The following SMG1 variants were observed in gnomAD, a reference collection of about 807,000 sequenced individuals.
SMG1 encodes SMG1 nonsense mediated mRNA decay associated PI3K related kinase.
A neutral mutation model predicts 419.9 loss-of-function variants in SMG1; 22 were observed. The ratio of observed to expected loss-of-function variants is 0.05; its 90% CI spans 0.04 to 0.07. The LOEUF is 0.07. Ranked by LOEUF, SMG1 falls within the 10% of genes least tolerant of loss-of-function variation. The pLI, the probability that SMG1 is intolerant of heterozygous loss-of-function variation, is 1.00. For missense variants in SMG1, 3,185 were observed against 4,342.0 expected, an observed-to-expected ratio of 0.73 and a Z score of 7.49; for synonymous variants, 1,538 against 1,553.5, an observed-to-expected ratio of 0.99 and a Z score of 0.23.
At chr16:18,859,489 T>C in intron 27 of SMG1, 67 bp downstream of exon 27, 2 of 729,394 alleles carry the variant, frequency 2.7e-6, no homozygotes, top group African/African-American at 1.8e-5. Context: ...TCCAGCCCTC[T>C]TCACCCCATG....
Position 18,817,454 on chromosome 16 carries a change from C to T in SMG1, c.9911G>A (p.Ser3304Asn). Reference sequence around the variant, plus strand: ...TAAACTTTCAAAATGAATGATATTGCTGCAGAGAAATGTGACCTGTAAAGA... The same window carrying T: ...TAAACTTTCAAAATGAATGATATTGTTGCAGAGAAATGTGACCTGTAAAGA... ...QRASQVTFLC[S>N]NIIHFESLRT... Residue 3304 changes from serine to asparagine, a missense_variant, in exon 57 of 63, where the codon AGC (serine) becomes AAC (asparagine). By Grantham distance (46) the Ser-to-Asn change is conservative. Transcript: ENST00000446231. 2 of 1,577,728 alleles carry T rather than the reference C, an allele frequency of 1.3e-6. No individual in the cohort carries two copies. The highest frequency in any genetic ancestry group is 1.7e-6 in the Non-Finnish European group (2 of 1,160,420).
Position 18,848,084 on chromosome 16 carries a change from C to T in SMG1, c.5624-51G>A, listed in dbSNP as rs1252713830. ...ATATTTTGAACATTTCTCCCATGTG[C>T]ATATGCTAGGTTAGGGAAAACACTG... On this transcript the variant is annotated intron_variant, in intron 36 of 62. Transcript: ENST00000446231. 3.4e-6 allele frequency: 5 copies of T among 1,474,722 alleles called. No homozygotes were observed. In the African/African-American group the frequency reaches 5.5e-5, roughly 16 times the overall value. The allele number at this position is 1,474,722 out of a possible 1,614,324, so 91.4% of individuals were successfully genotyped here. A position where few individuals can be genotyped will look rare whatever the true frequency, so the allele number is the denominator to read the frequency against.
chr16:18,922,972 T>C (rs2038254276), intron 1 of SMG1, among the ~76,000 whole-genome samples: 1 of 152,166 alleles, frequency 6.6e-6, no homozygotes, highest in Non-Finnish European at 1.5e-5. Context: ...CCCCAGCTAC[T>C]TGTGGATGCT....
At chr16:18,897,333 T>C (rs138225178) in intron 1 of SMG1, among the ~76,000 whole-genome samples, 1,544 of 152,338 alleles carry the variant, frequency 0.01, 32 homozygotes, top group African/African-American at 0.034. Flanking sequence ...TAATTCTTTC[T>C]AAATTCTCCC....
chr16:18,885,792 G>GT (rs2036586632), intron 6 of SMG1, 126 bp from the exon 7 acceptor site: 1 of 800,888 alleles, frequency 1.2e-6, no homozygotes, highest in Non-Finnish European at 1.9e-6. Flanking sequence ...AGATTCTGTA[G>GT]TTTTAGTTAA....
intron 11 of SMG1, 184 bp from the exon 12 acceptor site, chr16:18,877,416 T>C (rs944373410): frequency 2.0e-5 from 9 of 459,100 alleles, no homozygotes; most frequent in African/African-American, 1.6e-4. Context: ...GGGATTGCCA[T>C]GGGCTTAAGA....
At chr16:18,894,507 T>C (rs1475031864) in intron 3 of SMG1, among the ~76,000 whole-genome samples, 1 of 152,128 alleles carries the variant, frequency 6.6e-6, no homozygotes, top group Non-Finnish European at 1.5e-5. Flanking sequence ...GCTTCTATAA[T>C]ATCATAAGTC....
intron 57 of SMG1, 30 bp from the exon 58 acceptor site, chr16:18,816,559 G>A (rs2291659): frequency 4.5e-6 from 7 of 1,570,902 alleles, no homozygotes; most frequent in East Asian, 2.2e-5. Flanking sequence ...GTTTGACTTC[G>A]AGTATCAGCT....
chr16:18,837,885 T>C, intron 45 of SMG1, 129 bp downstream of exon 45: 1 of 867,188 alleles, frequency 1.2e-6, no homozygotes. Flanking sequence ...CATATTTAAC[T>C]GCCATTTCAA....
intron 23 of SMG1, chr16:18,866,310 G>A: frequency 2.5e-6 from 1 of 399,474 alleles, no homozygotes; most frequent in East Asian, 5.7e-5. Context: ...TGACAATAAA[G>A]GGTAATTTGT....
At chr16:18,901,569 A>G (rs1395994501) in intron 1 of SMG1, among the ~76,000 whole-genome samples, 2 of 152,220 alleles carry the variant, frequency 1.3e-5, no homozygotes, top group Non-Finnish European at 2.9e-5. Flanking sequence ...CTGATAAGAT[A>G]TACTTAACTA....
intron 60 of SMG1, among the ~76,000 whole-genome samples, chr16:18,814,872 C>T (rs372145416): frequency 0.011 from 1,466 of 135,430 alleles, 32 homozygotes; most frequent in African/African-American, 0.037. Flanking sequence ...GCCACCTCGC[C>T]CGGCCTTTTT....
chr16:18,841,520 A>G lies in SMG1; in HGVS notation c.6696+45T>C, dbSNP rs186657100. On this transcript the variant is annotated intron_variant, in intron 41 of 62. Coordinates refer to ENST00000446231, the MANE Select transcript of SMG1 (RefSeq NM_015092.5). ...AGTAAGTCTACAAGTATTTCACATA[A>G]TAACAGAGAATAGACTAATACACTG... is the stretch of plus-strand genomic sequence containing the variant. 4.4e-4 allele frequency: 685 copies of G among 1,560,110 alleles called. 3 individuals carry two copies. In the African/African-American group the frequency reaches 8.1e-3, roughly 19 times the overall value.
intron 39 of SMG1, among the ~76,000 whole-genome samples, chr16:18,845,076 C>G (rs781037460): frequency 3.9e-5 from 6 of 152,164 alleles, no homozygotes; most frequent in Non-Finnish European, 8.8e-5. Flanking sequence ...TACATAGGCA[C>G]AAAGTTAAAT....
chr16:18,816,062 A>G (rs142828535), intron 58 of SMG1: 9 of 528,478 alleles, frequency 1.7e-5, no homozygotes, highest in African/African-American at 1.5e-4. Context: ...ATTACAAGTT[A>G]TATCACAATA....
intron 10 of SMG1, among the ~76,000 whole-genome samples, chr16:18,881,948 G>T (rs1442408687): frequency 6.6e-6 from 1 of 151,992 alleles, no homozygotes; most frequent in Non-Finnish European, 1.5e-5. Context: ...GTCATGGGAG[G>T]GTAGGGGAGT....
chr16:18,905,677 A>C (rs8062729), intron 1 of SMG1, among the ~76,000 whole-genome samples: 13,384 of 150,784 alleles, frequency 0.089, 735 homozygotes, highest in African/African-American at 0.16. Context: ...TAGTGGTGCA[A>C]TACTGGCTCA....
chr16:18,917,794 C>T (rs1030701941), intron 1 of SMG1, among the ~76,000 whole-genome samples: 1 of 150,298 alleles, frequency 6.7e-6, no homozygotes, highest in African/African-American at 2.4e-5. Context: ...TCAGGCTAGT[C>T]TCGAACTCCC....
In SMG1 at chr16:18,859,708, C is replaced by A; in HGVS notation, c.3806-5G>T. On this transcript the variant is annotated splice_polypyrimidine_tract_variant and splice_region_variant and intron_variant, in intron 26 of 62. Coordinates refer to ENST00000446231, the MANE Select transcript of SMG1 (RefSeq NM_015092.5). ...TAGGAAGCAGTTTTTTCATGTCTACCAAAGTTAAATAAAACGTCATTAAGT... is the reference window on the plus strand; with the variant it reads ...TAGGAAGCAGTTTTTTCATGTCTACAAAAGTTAAATAAAACGTCATTAAGT... 1 of 1,590,316 alleles carries A rather than the reference C, an allele frequency of 6.3e-7. No individual in the cohort carries two copies. Among genetic ancestry groups the A allele is most frequent in the Non-Finnish European group, 8.6e-7 (1 of 1,169,132 alleles).
Sources: gnomAD v4.1 joint callset for allele counts (sites outside exome capture counted in the v4.1 genomes callset) on GRCh38, gnomAD v4.1.1 for gene constraint, MANE v1.5 for transcripts, NCBI Gene and HGNC (gene_info 2026-07-23, HGNC 2026-07-21) for gene names.